Variants in INVS observed in about 807,000 individuals in gnomAD.
INVS encodes the protein inversin.
A neutral mutation model predicts 108.8 loss-of-function variants in INVS; 86 were observed. That is an observed-to-expected ratio of 0.79 (90% CI 0.66 to 0.95). The LOEUF (loss-of-function observed/expected upper bound fraction) is 0.95. INVS is among the 40% of genes least tolerant of loss of function. The pLI, the probability that INVS is intolerant of heterozygous loss-of-function variation, is 0.00. For synonymous variants in INVS, 455 were observed against 473.5 expected (o/e 0.96, Z 0.51); for missense variants, 1,169 against 1,297.4 (o/e 0.90, Z 1.52).
chr9:100,258,627 C>T (rs1832507115), intron 10 of INVS, among the ~76,000 whole-genome samples: 1 of 152,152 alleles, frequency 6.6e-6, no homozygotes, highest in Non-Finnish European at 1.5e-5. Flanking sequence ...TGTTAGTTTT[C>T]CTTCTAACAG....
chr9:100,166,406 C>T (rs753833732), intron 3 of INVS, among the ~76,000 whole-genome samples: 5 of 152,060 alleles, frequency 3.3e-5, no homozygotes, highest in Non-Finnish European at 5.9e-5. Flanking sequence ...GCCTGTTGTC[C>T]CAGCTACTCA....
At chr9:100,297,676 G>GT (rs1213973899) in intron 15 of INVS, among the ~76,000 whole-genome samples, 4 of 152,198 alleles carry the variant, frequency 2.6e-5, no homozygotes, top group African/African-American at 9.7e-5. Flanking sequence ...ACCCAGTAGA[G>GT]TTCAAGAAGC....
chr9:100,153,030 T>C (rs1828856873), intron 3 of INVS, among the ~76,000 whole-genome samples: 1 of 151,954 alleles, frequency 6.6e-6, no homozygotes, highest in Non-Finnish European at 1.5e-5. Context: ...TGTGTGTGTG[T>C]GTACAGGTGC....
intron 7 of INVS, among the ~76,000 whole-genome samples, chr9:100,243,026 T>A (rs1226638803): frequency 2.0e-5 from 3 of 152,242 alleles, no homozygotes; most frequent in Non-Finnish European, 2.9e-5. Flanking sequence ...CACTCTGTGA[T>A]GCAAGTGATA....
chr9:100,160,615 G>A (rs1829139063), intron 3 of INVS, among the ~76,000 whole-genome samples: 1 of 152,100 alleles, frequency 6.6e-6, no homozygotes, highest in African/African-American at 2.4e-5. Context: ...CCTAAATTTA[G>A]TTCAGTTATC....
At chr9:100,212,403 A>G (rs1830858068) in intron 3 of INVS, among the ~76,000 whole-genome samples, 1 of 152,184 alleles carries the variant, frequency 6.6e-6, no homozygotes, top group Non-Finnish European at 1.5e-5. Flanking sequence ...AAAACAGTTG[A>G]GACAACTATT....
chr9:100,183,669 T>TA (rs1201792459), intron 3 of INVS, among the ~76,000 whole-genome samples: 3 of 151,836 alleles, frequency 2.0e-5, no homozygotes, highest in Non-Finnish European at 4.4e-5. Flanking sequence ...GATGCGCCTG[T>TA]AGTCCCAGCT....
intron 2 of INVS, chr9:100,117,317 A>G (rs1365901685): frequency 4.1e-6 from 3 of 730,716 alleles, no homozygotes; most frequent in Non-Finnish European, 4.9e-6. Context: ...AACCTTCAAA[A>G]TCTCGTCCTT....
At chr9:100,180,604 C>T (rs1253094338) in intron 3 of INVS, among the ~76,000 whole-genome samples, 1 of 152,072 alleles carries the variant, frequency 6.6e-6, no homozygotes, top group African/African-American at 2.4e-5. Context: ...CTGAATAGAC[C>T]AATAACAAGT....
At chr9:100,276,951 C>T (rs118049517) in intron 12 of INVS, among the ~76,000 whole-genome samples, 1 of 152,366 alleles carries the variant, frequency 6.6e-6, no homozygotes, top group Non-Finnish European at 1.5e-5. Flanking sequence ...CTTCACTTCA[C>T]TTACTGGGAG....
chr9:100,256,437 T>TTC (rs1184814016), intron 10 of INVS, among the ~76,000 whole-genome samples: 1 of 152,228 alleles, frequency 6.6e-6, no homozygotes, highest in African/African-American at 2.4e-5. Context: ...GTGATCTTAG[T>TTC]TATTTCTTGC....
intron 3 of INVS, among the ~76,000 whole-genome samples, chr9:100,174,805 G>A (rs1001600440): frequency 2.0e-5 from 3 of 151,962 alleles, no homozygotes; most frequent in African/African-American, 2.4e-5. Context: ...CCAGCTACTC[G>A]GGAGGCTGAG....
chr9:100,181,630 A>G (rs1277313100), intron 3 of INVS, among the ~76,000 whole-genome samples: 1 of 152,128 alleles, frequency 6.6e-6, no homozygotes, highest in East Asian at 1.9e-4. Context: ...ACAAACAAAT[A>G]GAAAAACATT....
At chr9:100,131,310 C>T (rs1828047865) in intron 3 of INVS, among the ~76,000 whole-genome samples, 1 of 152,034 alleles carries the variant, frequency 6.6e-6, no homozygotes, top group Admixed American at 6.6e-5. Context: ...TTATTGGAAA[C>T]ATTTATCTAC....
chr9:100,293,364 C>A (rs977228273), intron 14 of INVS, among the ~76,000 whole-genome samples: 1 of 152,130 alleles, frequency 6.6e-6, no homozygotes, highest in Non-Finnish European at 1.5e-5. Flanking sequence ...AATCACATGG[C>A]CCCCCTGACC....
At chr9:100,139,776 G>A (rs1392846196) in intron 3 of INVS, among the ~76,000 whole-genome samples, 1 of 152,004 alleles carries the variant, frequency 6.6e-6, no homozygotes, top group Non-Finnish European at 1.5e-5. Flanking sequence ...CAAGTAGCTG[G>A]GACTATAGGC....
intron 3 of INVS, among the ~76,000 whole-genome samples, chr9:100,200,811 C>T (rs1057485405): frequency 2.0e-5 from 3 of 152,124 alleles, no homozygotes; most frequent in African/African-American, 7.2e-5. Context: ...CTTTTTGGCT[C>T]TTTTACCCAT....
intron 4 of INVS, among the ~76,000 whole-genome samples, chr9:100,226,719 A>G (rs9721893): frequency 6.7e-6 from 1 of 149,734 alleles, no homozygotes; most frequent in Non-Finnish European, 1.5e-5. Context: ...AAGCTGAGGC[A>G]TGAGAATCGC....
intron 3 of INVS, among the ~76,000 whole-genome samples, chr9:100,141,912 C>T (rs1365355698): frequency 6.6e-6 from 1 of 152,154 alleles, no homozygotes; most frequent in Admixed American, 6.5e-5. Context: ...AGATATTTTC[C>T]TTGGTCTAAG....
Sources: gnomAD v4.1 joint callset for allele counts (sites outside exome capture counted in the v4.1 genomes callset) on GRCh38, gnomAD v4.1.1 for gene constraint, MANE v1.5 for transcripts, NCBI Gene and HGNC (gene_info 2026-07-23, HGNC 2026-07-21) for gene names.